Variants in CYTH3 observed in about 807,000 individuals in gnomAD.
CYTH3 encodes the protein cytohesin-3.
Under a neutral mutation model 55.1 loss-of-function variants are expected in CYTH3, and 23 were observed. The observed-to-expected ratio is 0.42, with a 90% confidence interval of 0.30 to 0.59. The LOEUF is 0.59. CYTH3 is among the 20% of genes least tolerant of loss of function. The pLI is 0.20. For missense variants in CYTH3, 413 were observed against 524.8 expected, an observed-to-expected ratio of 0.79 and a Z score of 2.08; for synonymous variants, 249 against 194.9, an observed-to-expected ratio of 1.28 and a Z score of -2.31.
chr7:6,216,066 G>C (rs1334931630), intron 1 of CYTH3, among the ~76,000 whole-genome samples: 1 of 152,092 alleles, frequency 6.6e-6, no homozygotes, highest in Non-Finnish European at 1.5e-5. Context: ...TAACTAGAAG[G>C]GAAATGATCA....
intron 1 of CYTH3, among the ~76,000 whole-genome samples, chr7:6,233,444 G>T (rs1337509486): frequency 2.0e-5 from 3 of 152,020 alleles, no homozygotes; most frequent in Admixed American, 2.0e-4. Flanking sequence ...ATCACGAGGT[G>T]AGGAGATCGA....
chr7:6,239,430 T>C (rs1186558407), intron 1 of CYTH3, among the ~76,000 whole-genome samples: 2 of 152,196 alleles, frequency 1.3e-5, no homozygotes, highest in Non-Finnish European at 2.9e-5. Context: ...CCAAAGTTGA[T>C]GTCTAGCCCT....
chr7:6,258,651 C>T (rs568915753), intron 1 of CYTH3, among the ~76,000 whole-genome samples: 97 of 152,256 alleles, frequency 6.4e-4, no homozygotes, highest in African/African-American at 2.1e-3. Context: ...GTAACAATGA[C>T]GACAAGCTAC....
At chr7:6,267,051 G>A (rs749962484) in intron 1 of CYTH3, among the ~76,000 whole-genome samples, 4 of 152,190 alleles carry the variant, frequency 2.6e-5, no homozygotes, top group Non-Finnish European at 5.9e-5. Context: ...GAGGACTCCT[G>A]AGATCTGGTC....
intron 1 of CYTH3, among the ~76,000 whole-genome samples, chr7:6,250,650 A>G (rs900918553): frequency 1.9e-4 from 29 of 152,242 alleles, no homozygotes; most frequent in Non-Finnish European, 1.0e-4. Flanking sequence ...ATGGAAACAA[A>G]AAGTCAATGA....
intron 1 of CYTH3, among the ~76,000 whole-genome samples, chr7:6,209,348 T>C (rs907724573): frequency 6.6e-6 from 1 of 152,266 alleles, no homozygotes; most frequent in African/African-American, 2.4e-5. Context: ...ACGATGAATA[T>C]GTTGACCTCA....
intron 1 of CYTH3, among the ~76,000 whole-genome samples, chr7:6,211,023 T>C (rs1371643826): frequency 6.6e-6 from 1 of 152,228 alleles, no homozygotes; most frequent in Non-Finnish European, 1.5e-5. Flanking sequence ...CATGAAAATA[T>C]AAATCAAATC....
intron 1 of CYTH3, among the ~76,000 whole-genome samples, chr7:6,202,375 C>T (rs989295887): frequency 7.9e-5 from 12 of 152,058 alleles, no homozygotes; most frequent in Admixed American, 5.2e-4. Context: ...AATATGACAA[C>T]GTGGGTGAAC....
chr7:6,267,400 A>G (rs995089884), intron 1 of CYTH3, among the ~76,000 whole-genome samples: 1 of 152,258 alleles, frequency 6.6e-6, no homozygotes, highest in South Asian at 2.1e-4. Context: ...TACTCTAAGC[A>G]TAATCTAAAA....
chr7:6,185,383 C>T (rs981154164), intron 4 of CYTH3, among the ~76,000 whole-genome samples: 12 of 151,146 alleles, frequency 7.9e-5, no homozygotes, highest in Admixed American at 2.0e-4. Flanking sequence ...GTCAGGAGTT[C>T]GAGACCAGCC....
At chr7:6,208,702 T>C (rs988477124) in intron 1 of CYTH3, among the ~76,000 whole-genome samples, 1 of 152,074 alleles carries the variant, frequency 6.6e-6, no homozygotes, top group Non-Finnish European at 1.5e-5. Context: ...TGCTATCATA[T>C]CCAACTATTT....
At chr7:6,260,678 CCTT>C (rs1274208837) in intron 1 of CYTH3, among the ~76,000 whole-genome samples, 4 of 152,188 alleles carry the variant, frequency 2.6e-5, no homozygotes, top group African/African-American at 7.2e-5. Context: ...ATCGATCACT[CCTT>C]CTCTCTTCTG....
At chr7:6,214,471 A>C (rs994633863) in intron 1 of CYTH3, among the ~76,000 whole-genome samples, 2 of 152,208 alleles carry the variant, frequency 1.3e-5, no homozygotes, top group African/African-American at 4.8e-5. Flanking sequence ...AAATATTACT[A>C]AGTATTCCTA....
In CYTH3 at chr7:6,171,150, A is replaced by G. The variant is rs1783179476; in HGVS notation, c.562+52T>C. On this transcript the variant is annotated intron_variant, in intron 7 of 12. Transcript: ENST00000350796. This position sits in a 1 kb window ranked among gnomAD's most constrained non-coding sequence, Gnocchi z 6.7. The stretch of plus-strand genomic sequence containing the variant: ...TGTGCCCACAGGGGCCGCCCCCTCC[A>G]GAGCTGGAGGCTGTGCCTGGCAAGG... 1.9e-6 allele frequency: 3 copies of G among 1,605,072 alleles called. No homozygotes were observed. The East Asian group carries it at 6.7e-5, about 36-fold the overall frequency.
At position 6,164,071 on chromosome 7, in the gene CYTH3, T is replaced by A. The variant is rs2128534719; in HGVS notation, c.*873A>T. On this transcript the variant is annotated 3_prime_UTR_variant, in exon 13 of 13. Transcript: ENST00000350796. ...CCATTAACTGTTATAATTTTAATGA[T>A]TTGCTTAAAGTATTTGTGGGGCCAA... The A allele has an allele frequency of 6.6e-6, 1 of 152,320 alleles. No individual in the cohort carries two copies. The highest frequency in any genetic ancestry group is 1.5e-5 in the Non-Finnish European group (1 of 68,024). 9.4% of individuals were successfully genotyped at this position (152,320 alleles called of 1,614,324 possible).
At chr7:6,179,714 CCACACACCA>C (rs1562881440) in intron 4 of CYTH3, among the ~76,000 whole-genome samples, 6 of 103,370 alleles carry the variant, frequency 5.8e-5, no homozygotes, top group Admixed American at 2.9e-4. Context: ...CACACACACC[CCACACACCA>C]CACACACACA....
intron 1 of CYTH3, among the ~76,000 whole-genome samples, chr7:6,208,765 G>T (rs369570571): frequency 6.6e-6 from 1 of 152,180 alleles, no homozygotes; most frequent in Non-Finnish European, 1.5e-5. Context: ...GGTCTGAAGC[G>T]ATCCTCCCTC....
intron 1 of CYTH3, among the ~76,000 whole-genome samples, chr7:6,228,671 T>G (rs1779309944): frequency 6.6e-6 from 1 of 152,176 alleles, no homozygotes; most frequent in South Asian, 2.1e-4. Context: ...CCGGGCTGCC[T>G]CCCGCTCTGA....
At chr7:6,268,872 G>C (rs959647082) in intron 1 of CYTH3, among the ~76,000 whole-genome samples, 4 of 152,142 alleles carry the variant, frequency 2.6e-5, no homozygotes, top group Admixed American at 2.0e-4. Flanking sequence ...AAACTGAAAA[G>C]CCAAACAGGA....
Sources: gnomAD v4.1 joint callset for allele counts (sites outside exome capture counted in the v4.1 genomes callset) on GRCh38, gnomAD v4.1.1 for gene constraint, Gnocchi (gnomAD v3.1) non-coding constraint, MANE v1.5 for transcripts, NCBI Gene and HGNC (gene_info 2026-07-23, HGNC 2026-07-21) for gene names.